USP49: variants seen among roughly 807,000 people sequenced by gnomAD.
The protein encoded by USP49 is ubiquitin carboxyl-terminal hydrolase 49.
USP49 carries 24 observed loss-of-function variants against 58.6 expected under a neutral mutation model. That is an observed-to-expected ratio of 0.41 (90% CI 0.30 to 0.58). The LOEUF is 0.58. Ranked by LOEUF, USP49 falls within the 20% of genes least tolerant of loss-of-function variation. The pLI, the probability that USP49 is intolerant of heterozygous loss-of-function variation, is 0.30. For synonymous variants in USP49, 408 were observed against 365.1 expected, an observed-to-expected ratio of 1.12 and a Z score of -1.34; for missense variants, 703 against 866.1, an observed-to-expected ratio of 0.81 and a Z score of 2.36.
In USP49 at chr6:41,793,862, T is replaced by C. The variant is rs1457961874; in HGVS notation, c.*2671A>G. On this transcript the variant is annotated 3_prime_UTR_variant, in exon 8 of 8. Transcript: ENST00000682992. ...AACTAACTACAAAGGGTTCCTGGAA[T>C]GAGACTCTTAACTACTTGCCCTGGG... The C allele has an allele frequency of 1.9e-4, 29 of 152,214 alleles. No homozygotes were observed. The highest frequency in any genetic ancestry group is 1.7e-3 in the Admixed American group (26 of 15,290). The allele number at this position is 152,214 out of a possible 1,614,324, so 9.4% of individuals were successfully genotyped here.
At chr6:41,823,518 C>T (rs141738053) in intron 3 of USP49, among the ~76,000 whole-genome samples, 43 of 152,248 alleles carry the variant, frequency 2.8e-4, no homozygotes, top group African/African-American at 9.6e-4. Context: ...TTCCATAAGC[C>T]GATGACTGCA....
chr6:41,873,016 G>A (rs1774441114), intron 2 of USP49: 2 of 152,392 alleles, frequency 1.3e-5, no homozygotes, highest in South Asian at 4.1e-4. Flanking sequence ...CAAGATCCTA[G>A]AACGGTTGTC....
At chr6:41,850,277 T>C (rs569874156) in intron 3 of USP49, among the ~76,000 whole-genome samples, 39 of 151,858 alleles carry the variant, frequency 2.6e-4, no homozygotes, top group African/African-American at 8.9e-4. Flanking sequence ...ACCCCATCTC[T>C]ACTAAAAATA....
At position 41,798,601 on chromosome 6, in the gene USP49, A is replaced by G. The variant is rs568722297; in HGVS notation, c.1876+123T>C. ...CAATTTTCACAATTCTTTCCACTGG[A>G]TTTTTGATGTATGTAATTTCCCTCT... On this transcript the variant is annotated intron_variant, in intron 7 of 7. Transcript: ENST00000682992. 202 of 1,584,660 alleles carry G rather than the reference A, an allele frequency of 1.3e-4. 1 individual carries two copies. The African/African-American group carries it at 2.6e-3, about 20-fold the overall frequency.
intron 3 of USP49, among the ~76,000 whole-genome samples, chr6:41,858,773 T>C (rs1774172653): frequency 1.3e-5 from 2 of 152,186 alleles, no homozygotes; most frequent in African/African-American, 4.8e-5. Context: ...CACTCTATTA[T>C]AAAATCATTC....
rs1299909714 is a variant in USP49, at chr6:41,806,752, G to A, written c.232C>T (p.Leu78=). 1 of 1,614,250 alleles carries A rather than the reference G, an allele frequency of 6.2e-7. No individual in the cohort carries two copies. The highest frequency in any genetic ancestry group is 1.7e-5 in the Admixed American group (1 of 60,032). ...TCATTGAGCACGTAGTCCTTGCACA[G>A]GTAACAGAACACGTAGAGATCCCGG... is the stretch of plus-strand genomic sequence containing the variant. The part of the protein sequence containing the change: ...EVRDLYVFCY[L]CKDYVLNDNP... Residue 78 remains leucine, a synonymous_variant, in exon 4 of 8, where the codon CTG becomes TTG. Coordinates refer to ENST00000682992, the MANE Select transcript of USP49 (RefSeq NM_001286554.2). This position sits in a 1 kb window ranked among gnomAD's most constrained non-coding sequence, Gnocchi z 5.9.
intron 2 of USP49, among the ~76,000 whole-genome samples, chr6:41,876,931 A>T (rs1382722988): frequency 6.6e-6 from 1 of 152,224 alleles, no homozygotes; most frequent in Non-Finnish European, 1.5e-5. Context: ...TAAACTAGGT[A>T]TCAGGAAGCC....
chr6:41,875,151 T>C (rs1222581987), intron 2 of USP49, among the ~76,000 whole-genome samples: 1 of 151,996 alleles, frequency 6.6e-6, no homozygotes, highest in Non-Finnish European at 1.5e-5. Flanking sequence ...ATCTTAAAAA[T>C]ACATATAAAT....
At chr6:41,828,750 CTT>C (rs967720391) in intron 3 of USP49, among the ~76,000 whole-genome samples, 5 of 152,080 alleles carry the variant, frequency 3.3e-5, no homozygotes, top group African/African-American at 4.8e-5. Context: ...ATAATTTCAT[CTT>C]TTGTTTATGA....
intron 3 of USP49, among the ~76,000 whole-genome samples, chr6:41,815,420 CAAA>C (rs768878126): frequency 8.8e-6 from 1 of 113,596 alleles, no homozygotes. Context: ...GACTCCGTCT[CAAA>C]AAAAAAAAAA....
rs554342514 is a variant in USP49 at position 41,885,775 on chromosome 6, G to A, written c.-103+6019C>T. ...CATGCTACTGCACTCCAGCCTGGGG[G>A]ACAGAGTGAGACTCTGTCTCAGGAA... On this transcript the variant is annotated intron_variant, in intron 2 of 7. Coordinates refer to ENST00000682992, the MANE Select transcript of USP49 (RefSeq NM_001286554.2). Among the ~76,000 whole-genome samples the A allele has an allele frequency of 4.6e-5, 7 of 152,146 alleles. 1 individual carries two copies. Among genetic ancestry groups the A allele is most frequent in the African/African-American group, 1.7e-4 (7 of 41,506 alleles).
intron 3 of USP49, among the ~76,000 whole-genome samples, chr6:41,831,112 C>T (rs1273010434): frequency 6.6e-6 from 1 of 152,108 alleles, no homozygotes; most frequent in Non-Finnish European, 1.5e-5. Flanking sequence ...CAAAAAATTG[C>T]CAGGCGCAGT....
chr6:41,871,829 G>C (rs191153687), intron 2 of USP49, among the ~76,000 whole-genome samples, 192 bp from the exon 3 acceptor site: 29 of 152,242 alleles, frequency 1.9e-4, no homozygotes, highest in Admixed American at 1.8e-3. Flanking sequence ...TAACCAAAGA[G>C]TCAGTCACTT....
At chr6:41,862,585 C>A (rs1321982741) in intron 3 of USP49, among the ~76,000 whole-genome samples, 1 of 152,010 alleles carries the variant, frequency 6.6e-6, no homozygotes, top group Non-Finnish European at 1.5e-5. Context: ...TTTAAAAATA[C>A]TAAAAGATCA....
intron 3 of USP49, among the ~76,000 whole-genome samples, chr6:41,833,749 T>A (rs1166775027): frequency 1.3e-5 from 2 of 152,176 alleles, no homozygotes; most frequent in African/African-American, 4.8e-5. Flanking sequence ...ATGTAAGAAG[T>A]AGTAGCAAGA....
intron 2 of USP49, among the ~76,000 whole-genome samples, chr6:41,889,030 A>T (rs1774766180): frequency 1.4e-5 from 2 of 144,980 alleles, no homozygotes; most frequent in Admixed American, 6.9e-5. Context: ...ATCCCAATCA[A>T]TTTTTTTTTT....
At position 41,857,346 on chromosome 6, in the gene USP49, T is replaced by G. The variant is rs139169390; in HGVS notation, c.-29+14218A>C. 2.3e-4 allele frequency among the ~76,000 whole-genome samples: 35 copies of G among 152,306 alleles called. No individual in the cohort carries two copies. The East Asian group carries it at 6.7e-3, about 29-fold the overall frequency. On this transcript the variant is annotated intron_variant, in intron 3 of 7. Transcript: ENST00000682992. ...TCTCCTTTTAACCCTCTTTGTATCT[T>G]ACTATAGAAAGATCTCATCTGGGCG...
chr6:41,870,180 C>T (rs1774390176), intron 3 of USP49, among the ~76,000 whole-genome samples: 1 of 152,162 alleles, frequency 6.6e-6, no homozygotes, highest in Non-Finnish European at 1.5e-5. Flanking sequence ...TTACTTCATT[C>T]CAGACATTAT....
intron 2 of USP49, among the ~76,000 whole-genome samples, chr6:41,885,516 C>G (rs1774694053): frequency 6.6e-6 from 1 of 152,094 alleles, no homozygotes; most frequent in African/African-American, 2.4e-5. Context: ...TGTCAGCGCA[C>G]AATCATACCT....
Sources: gnomAD v4.1 joint callset for allele counts (sites outside exome capture counted in the v4.1 genomes callset) on GRCh38, gnomAD v4.1.1 for gene constraint, Gnocchi (gnomAD v3.1) non-coding constraint, MANE v1.5 for transcripts, NCBI Gene and HGNC (gene_info 2026-07-23, HGNC 2026-07-21) for gene names.